CLNK: variants seen among roughly 807,000 people sequenced by gnomAD.
CLNK encodes cytokine-dependent hematopoietic cell linker.
A neutral mutation model predicts 68.6 loss-of-function variants in CLNK; 74 were observed. That is an observed-to-expected ratio of 1.08 (90% CI 0.89 to 1.31). The LOEUF (loss-of-function observed/expected upper bound fraction) is 1.31, where lower values mean the gene tolerates loss of function less well. Among genes scored for constraint, CLNK ranks in the 50% most tolerant of loss-of-function variants. The probability of loss-of-function intolerance (pLI) is 0.00; values close to 1 mark genes in which losing one functional copy is unlikely to be tolerated. For missense variants in CLNK, 553 were observed against 515.3 expected (o/e 1.07, Z -0.71); for synonymous variants, 198 against 172.2 (o/e 1.15, Z -1.17).
intron 2 of CLNK, among the ~76,000 whole-genome samples, chr4:10,644,588 G>T (rs910475300): frequency 7.2e-5 from 11 of 152,170 alleles, no homozygotes; most frequent in Non-Finnish European, 1.2e-4. Context: ...CAGAAGAACA[G>T]GGTGAGACAC....
the CLNK span, among the ~76,000 whole-genome samples, chr4:10,708,134 T>C: frequency 6.6e-6 from 1 of 152,142 alleles, no homozygotes; most frequent in East Asian, 1.9e-4. Context: ...GTGGACAGTA[T>C]TCAATATTGA....
chr4:10,513,494 T>G lies in CLNK; in HGVS notation c.876A>C (p.Arg292Ser), dbSNP rs371038914. 7 of 1,611,916 alleles carry G rather than the reference T, an allele frequency of 4.3e-6. No individual in the cohort carries two copies. Among genetic ancestry groups the G allele is most frequent in the Non-Finnish European group, 5.1e-6 (6 of 1,179,024 alleles). ...NILPYKYTSW[R>S]PPFPKRSDRK... ...TATCAGACCTTTTGGGGAAAGGTGGTCTCCAGCTTGTGTATTTATAGGGCA... is the reference window on the plus strand; with the variant it reads ...TATCAGACCTTTTGGGGAAAGGTGGGCTCCAGCTTGTGTATTTATAGGGCA... Residue 292 changes from arginine to serine, a missense_variant, in exon 16 of 19, where the codon AGA (arginine) becomes AGC (serine). Coordinates refer to ENST00000226951, the MANE Select transcript of CLNK (RefSeq NM_052964.4).
At chr4:10,592,099 C>A (rs1190579437) in intron 3 of CLNK, among the ~76,000 whole-genome samples, 1 of 152,202 alleles carries the variant, frequency 6.6e-6, no homozygotes, top group African/African-American at 2.4e-5. Context: ...TGTGGCACTT[C>A]TTACTCGAAT....
intron 17 of CLNK, 76 bp downstream of exon 17, chr4:10,507,883 C>T (rs976766514): frequency 2.4e-4 from 255 of 1,060,160 alleles, no homozygotes; most frequent in South Asian, 9.5e-4. Context: ...CTGCTTGTTA[C>T]GTCTTGTGAC....
chr4:10,622,780 T>TA (rs1266764896), intron 2 of CLNK, among the ~76,000 whole-genome samples: 1 of 152,182 alleles, frequency 6.6e-6, no homozygotes, highest in Admixed American at 6.5e-5. Context: ...GTTTGAATAA[T>TA]AAACATTTAT....
rs555911545 is a variant in CLNK, at chr4:10,677,745, A to C, written c.-43+6923T>G. 9.9e-5 allele frequency among the ~76,000 whole-genome samples: 15 copies of C among 152,128 alleles called. No homozygotes were observed. The South Asian group carries it at 3.1e-3, about 32-fold the overall frequency. On this transcript the variant is annotated intron_variant, in intron 1 of 18. Transcript: ENST00000226951. ...TCATGAGGCTTCCCCAGCCATGTGGAACTGTGAGTCAATTAAACCTCTTTC... is the reference window on the plus strand; with the variant it reads ...TCATGAGGCTTCCCCAGCCATGTGGCACTGTGAGTCAATTAAACCTCTTTC...
At chr4:10,583,917 T>C (rs1720878192) in intron 4 of CLNK, among the ~76,000 whole-genome samples, 1 of 152,178 alleles carries the variant, frequency 6.6e-6, no homozygotes, top group African/African-American at 2.4e-5. Flanking sequence ...AGCCACTTCA[T>C]TCCCAGGTAC....
rs1167327656 is a variant in CLNK at position 10,610,156 on chromosome 4, A to G, written c.12-12107T>C. ...ACTGCAAGCTCCGCCTTCCGGGTTC[A>G]CGCCATTCTCCTGCCTCAGCCTCCC... On this transcript the variant is annotated intron_variant, in intron 2 of 18. Transcript: ENST00000226951. Among the ~76,000 whole-genome samples the G allele has an allele frequency of 2.0e-4, 27 of 135,922 alleles. No individual in the cohort carries two copies. The Admixed American group carries it at 2.0e-3, about 10-fold the overall frequency. 89.2% of individuals were successfully genotyped at this position (135,922 alleles called of 152,430 possible).
At chr4:10,535,243 G>GA (rs1718708650) in intron 11 of CLNK, among the ~76,000 whole-genome samples, 2 of 151,034 alleles carry the variant, frequency 1.3e-5, no homozygotes, top group Non-Finnish European at 3.0e-5. Flanking sequence ...AAGAAAGAAA[G>GA]AAAGAAAGAA....
At chr4:10,544,908 C>G (rs1247824555) in intron 8 of CLNK, among the ~76,000 whole-genome samples, 1 of 152,078 alleles carries the variant, frequency 6.6e-6, no homozygotes, top group Non-Finnish European at 1.5e-5. Flanking sequence ...TCTTCCTTTC[C>G]TCATAAAGCC....
chr4:10,519,396 C>T (rs1054334155), intron 15 of CLNK, among the ~76,000 whole-genome samples: 3 of 152,168 alleles, frequency 2.0e-5, no homozygotes, highest in African/African-American at 7.2e-5. Context: ...GCAACAAAAC[C>T]TCCATAAGTA....
chr4:10,500,000 G>GT (rs1434685537), intron 18 of CLNK, among the ~76,000 whole-genome samples: 1 of 152,116 alleles, frequency 6.6e-6, no homozygotes, highest in Non-Finnish European at 1.5e-5. Context: ...CAACGTGTGG[G>GT]TTTTTTGGAA....
At chr4:10,565,082 C>G (rs1371205516) in intron 6 of CLNK, among the ~76,000 whole-genome samples, 2 of 152,070 alleles carry the variant, frequency 1.3e-5, no homozygotes, top group East Asian at 3.9e-4. Flanking sequence ...TTACTAGATC[C>G]CACCCAGTCA....
chr4:10,724,910 A>G, the CLNK span, among the ~76,000 whole-genome samples: 2 of 152,190 alleles, frequency 1.3e-5, no homozygotes, highest in Admixed American at 6.5e-5. Flanking sequence ...TTTAATCTCA[A>G]TTATCTGAGA....
intron 2 of CLNK, among the ~76,000 whole-genome samples, chr4:10,611,189 G>GCA (rs1447293658): frequency 1.7e-3 from 258 of 151,650 alleles, no homozygotes; most frequent in Non-Finnish European, 2.1e-3. Context: ...GTGGTGGCAT[G>GCA]TGCCTGTAAT....
At chr4:10,713,762 C>A in the CLNK span, among the ~76,000 whole-genome samples, 1 of 152,028 alleles carries the variant, frequency 6.6e-6, no homozygotes, top group Non-Finnish European at 1.5e-5. Context: ...GGCATCCCTC[C>A]CATTCTTCCC....
intron 15 of CLNK, among the ~76,000 whole-genome samples, chr4:10,516,965 A>G (rs11737578): frequency 0.99 from 151,387 of 152,360 alleles, 75,224 homozygotes; most frequent in East Asian, 1. Context: ...TACCTTAATT[A>G]TGGTTAGTTA....
At chr4:10,680,914 C>G (rs1385952049) in intron 1 of CLNK, among the ~76,000 whole-genome samples, 2 of 152,002 alleles carry the variant, frequency 1.3e-5, no homozygotes, top group Non-Finnish European at 2.9e-5. Flanking sequence ...GTGGAGGTGT[C>G]CTGTGTAAAG....
chr4:10,624,600 T>G (rs1023325878), intron 2 of CLNK, among the ~76,000 whole-genome samples: 3 of 138,448 alleles, frequency 2.2e-5, no homozygotes, highest in African/African-American at 7.6e-5. Context: ...CCAGTTTTTT[T>G]TTTTTTTTTT....
Sources: allele counts gnomAD v4.1 joint callset (sites outside exome capture counted in the v4.1 genomes callset), GRCh38; gene constraint gnomAD v4.1.1; transcripts MANE v1.5; gene names NCBI Gene and HGNC (gene_info 2026-07-23, HGNC 2026-07-21).